Variants in ASB18 observed in about 807,000 individuals in gnomAD.
The protein encoded by ASB18 is ankyrin repeat and SOCS box protein 18.
In ASB18, 33 loss-of-function variants were observed where a neutral mutation model predicts 33.4. That is an observed-to-expected ratio of 0.99 (90% CI 0.75 to 1.32). The LOEUF (loss-of-function observed/expected upper bound fraction) is 1.32, where lower values mean the gene tolerates loss of function less well. Among genes scored for constraint, ASB18 ranks in the 40% most tolerant of loss-of-function variants. The pLI, the probability that ASB18 is intolerant of heterozygous loss-of-function variation, is 0.00. For synonymous variants in ASB18, 295 were observed against 307.6 expected (o/e 0.96, Z 0.43); for missense variants, 694 against 655.5 (o/e 1.06, Z -0.64).
Position 236,225,206 on chromosome 2 carries a change from C to T in ASB18, c.597-10340G>A, listed in dbSNP as rs1039803801. ...ACATGATCATGACTCACTGTAGCCT[C>T]GACTTCCTGGGCTCAAGTGATCCTC... On this transcript the variant is annotated intron_variant, in intron 3 of 5. Coordinates refer to ENST00000409749, the MANE Select transcript of ASB18 (RefSeq NM_212556.4). The surrounding 1 kb of genome is among the most constrained non-coding windows in gnomAD (Gnocchi z 5.1). Among the ~76,000 whole-genome samples, 7 of 152,148 alleles carry T rather than the reference C, an allele frequency of 4.6e-5. No homozygotes were observed. Among genetic ancestry groups the T allele is most frequent in the South Asian group, 2.1e-4 (1 of 4,824 alleles).
rs1344346547 is a variant in ASB18 at position 236,220,170 on chromosome 2, G to C, written c.597-5304C>G. Among the ~76,000 whole-genome samples the C allele has an allele frequency of 6.6e-6, 1 of 152,180 alleles. No individual in the cohort carries two copies. The highest frequency in any genetic ancestry group is 1.5e-5 in the Non-Finnish European group (1 of 68,038). ...ATGTCATTCCAATTCATGTCTATGG[G>C]GTGGGGGGATGTGGGACTTTGGCCA... On this transcript the variant is annotated intron_variant, in intron 3 of 5. Transcript: ENST00000409749. The surrounding 1 kb of genome is among the most constrained non-coding windows in gnomAD (Gnocchi z 5.1).
Position 236,214,461 on chromosome 2 carries a change from G to T in ASB18, c.1002C>A (p.Leu334=). 6.5e-7 allele frequency: 1 copy of T among 1,527,120 alleles called. No homozygotes were observed. The highest frequency in any genetic ancestry group is 1.2e-5 in the South Asian group (1 of 83,930). The allele number at this position is 1,527,120 out of a possible 1,614,324, so 94.6% of individuals were successfully genotyped here. ...CCTGGAGAGCGCAGGATGCGGTCTG[G>T]AGCACGCGGCCCAGCGGCGAGGCCC... ...YGGASPLGRV[L]QTASCALQAS... is the part of the protein sequence containing the mutation. Residue 334 remains leucine (L), a synonymous_variant, in exon 4 of 6, where the codon CTC becomes CTA. Coordinates refer to ENST00000409749, the MANE Select transcript of ASB18 (RefSeq NM_212556.4). The surrounding 1 kb of genome is among the most constrained non-coding windows in gnomAD (Gnocchi z 6.5).
intron 1 of ASB18, among the ~76,000 whole-genome samples, chr2:236,258,341 A>C (rs1313633680): frequency 6.6e-6 from 1 of 152,206 alleles, no homozygotes; most frequent in Non-Finnish European, 1.5e-5. Context: ...AGACCAATCC[A>C]TTTTTGAAAA....
In ASB18 at chr2:236,209,900, TTGCCCAGGACGTC is replaced by T. The variant is rs2060451671; in HGVS notation, c.1101+4449_1101+4461del. 6.6e-6 allele frequency among the ~76,000 whole-genome samples: 1 copy of T among 152,224 alleles called. No individual in the cohort carries two copies. The highest frequency in any genetic ancestry group is 1.5e-5 in the Non-Finnish European group (1 of 68,046). On this transcript the variant is annotated intron_variant, in intron 4 of 5. Transcript: ENST00000409749. The surrounding 1 kb of genome is among the most constrained non-coding windows in gnomAD (Gnocchi z 4.4). ...CCGTGCCTGTCCTGCTCCAGGACAT[TTGCCCAGGACGTC>T]TGTCTAGAATGTTTGTCCCCCGCTT...
rs1390450785 is a variant in ASB18 at position 236,194,393 on chromosome 2, T to C, written c.*479A>G. On this transcript the variant is annotated 3_prime_UTR_variant, in exon 6 of 6. Coordinates refer to ENST00000409749, the MANE Select transcript of ASB18 (RefSeq NM_212556.4). This position sits in a 1 kb window ranked among gnomAD's most constrained non-coding sequence, Gnocchi z 4.5. ...TGTAGCTTGCCTTTATTTCAATCTT[T>C]ACTATTAGAATTGTATTGGTCTTTA... 6.6e-6 allele frequency among the ~76,000 whole-genome samples: 1 copy of C among 152,252 alleles called. No individual in the cohort carries two copies.
rs2106270103 is a variant in ASB18, at chr2:236,217,129, C to T, written c.597-2263G>A. Among the ~76,000 whole-genome samples, 1 of 152,284 alleles carries T rather than the reference C, an allele frequency of 6.6e-6. No individual in the cohort carries two copies. Among genetic ancestry groups the T allele is most frequent in the East Asian group, 1.9e-4 (1 of 5,170 alleles). ...CCCATATTTCAAATATTTGTTGGGCCAGGCGCGGTGGCTCATGCCGGTAAT... is the reference window on the plus strand; with the variant it reads ...CCCATATTTCAAATATTTGTTGGGCTAGGCGCGGTGGCTCATGCCGGTAAT... On this transcript the variant is annotated intron_variant, in intron 3 of 5. Transcript: ENST00000409749. This position sits in a 1 kb window ranked among gnomAD's most constrained non-coding sequence, Gnocchi z 5.2.
intron 1 of ASB18, among the ~76,000 whole-genome samples, chr2:236,246,608 G>A (rs1005898648): frequency 1.3e-5 from 2 of 152,050 alleles, no homozygotes; most frequent in African/African-American, 4.8e-5. Flanking sequence ...AAGGAACTTA[G>A]AGCCTTCGTT....
At chr2:236,202,604 A>G (rs1447807391) in intron 4 of ASB18, among the ~76,000 whole-genome samples, 2 of 151,132 alleles carry the variant, frequency 1.3e-5, no homozygotes, top group African/African-American at 2.4e-5. Flanking sequence ...GTAGATCACG[A>G]GGTCAAGAGA....
chr2:236,195,124 C>T lies in ASB18; in HGVS notation c.1216-67G>A. ...AACCAACATACGTTTTCTTCTTAGC[C>T]AGACCACTGATGGTACAAGCGGGCT... On this transcript the variant is annotated intron_variant, in intron 5 of 5. Coordinates refer to ENST00000409749, the MANE Select transcript of ASB18 (RefSeq NM_212556.4). This position sits in a 1 kb window ranked among gnomAD's most constrained non-coding sequence, Gnocchi z 5.5. 1 of 1,439,996 alleles carries T rather than the reference C, an allele frequency of 6.9e-7. No individual in the cohort carries two copies. The highest frequency in any genetic ancestry group is 9.5e-7 in the Non-Finnish European group (1 of 1,053,522). 89.2% of individuals were successfully genotyped at this position (1,439,996 alleles called of 1,614,324 possible).
rs1269806748 is a variant in ASB18, at chr2:236,206,185, C to T, written c.1101+8177G>A. Among the ~76,000 whole-genome samples, 3 of 136,208 alleles carry T rather than the reference C, an allele frequency of 2.2e-5. No individual in the cohort carries two copies. In the East Asian group the frequency reaches 6.0e-4, roughly 27 times the overall value. The allele number at this position is 136,208 out of a possible 152,430, so 89.4% of individuals were successfully genotyped here. A position where few individuals can be genotyped will look rare whatever the true frequency, so the allele number is the denominator to read the frequency against. On this transcript the variant is annotated intron_variant, in intron 4 of 5. Transcript: ENST00000409749. ...TTACCATCACTTTCTCTTTTAGTTT[C>T]TTGGGTTTTTTTTTTTTTTGCACTT...
rs1222673153 is a variant in ASB18 at position 236,223,220 on chromosome 2, A to G, written c.597-8354T>C. On this transcript the variant is annotated intron_variant, in intron 3 of 5. Coordinates refer to ENST00000409749, the MANE Select transcript of ASB18 (RefSeq NM_212556.4). The surrounding 1 kb of genome is among the most constrained non-coding windows in gnomAD (Gnocchi z 4.6). ...TCTTATAACTTTCACAGTGTCAAGT[A>G]TTTCTTTATAGCAGTGCAAGAATGG... is the stretch of plus-strand genomic sequence containing the variant. Among the ~76,000 whole-genome samples the G allele has an allele frequency of 6.6e-6, 1 of 152,204 alleles. No individual in the cohort carries two copies. Among genetic ancestry groups the G allele is most frequent in the Non-Finnish European group, 1.5e-5 (1 of 68,034 alleles).
At position 236,228,844 on chromosome 2, in the gene ASB18, T is replaced by A. The variant is rs1481996712; in HGVS notation, c.596+8845A>T. Among the ~76,000 whole-genome samples, 1 of 152,232 alleles carries A rather than the reference T, an allele frequency of 6.6e-6. No individual in the cohort carries two copies. Among genetic ancestry groups the A allele is most frequent in the Non-Finnish European group, 1.5e-5 (1 of 68,048 alleles). On this transcript the variant is annotated intron_variant, in intron 3 of 5. Coordinates refer to ENST00000409749, the MANE Select transcript of ASB18 (RefSeq NM_212556.4). This position sits in a 1 kb window ranked among gnomAD's most constrained non-coding sequence, Gnocchi z 5.1. ...AAGGCAAGACCCAAAAGGATCAAAC[T>A]ATTTCCAAGTAACTTTACATTCCAG...
chr2:236,217,757 A>T lies in ASB18; in HGVS notation c.597-2891T>A, dbSNP rs1161395312. ...TTTCTACATCAGCAGTGTCTTGAGA[A>T]GTGGTCTGTCTTGAGTGAAAGATCT... On this transcript the variant is annotated intron_variant, in intron 3 of 5. Transcript: ENST00000409749. The surrounding 1 kb of genome is among the most constrained non-coding windows in gnomAD (Gnocchi z 5.2). 6.6e-6 allele frequency among the ~76,000 whole-genome samples: 1 copy of T among 152,168 alleles called. No individual in the cohort carries two copies. The highest frequency in any genetic ancestry group is 1.5e-5 in the Non-Finnish European group (1 of 68,032).
chr2:236,244,892 A>G lies in ASB18; in HGVS notation c.206-3490T>C, dbSNP rs2060637476. On this transcript the variant is annotated intron_variant, in intron 1 of 5. Transcript: ENST00000409749. The surrounding 1 kb of genome is among the most constrained non-coding windows in gnomAD (Gnocchi z 6.1). ...TGACCCCTGTTACAGGCATGAGTTTATGTGCACAGACTGACCCAAGGCCTG... is the reference window on the plus strand; with the variant it reads ...TGACCCCTGTTACAGGCATGAGTTTGTGTGCACAGACTGACCCAAGGCCTG... 6.6e-6 allele frequency among the ~76,000 whole-genome samples: 1 copy of G among 152,172 alleles called. No homozygotes were observed. Among genetic ancestry groups the G allele is most frequent in the African/African-American group, 2.4e-5 (1 of 41,446 alleles).
In ASB18 at chr2:236,203,230, T is replaced by TC. The variant is rs1169537539; in HGVS notation, c.1102-6846dup. On this transcript the variant is annotated intron_variant, in intron 4 of 5. Coordinates refer to ENST00000409749, the MANE Select transcript of ASB18 (RefSeq NM_212556.4). This position sits in a 1 kb window ranked among gnomAD's most constrained non-coding sequence, Gnocchi z 6.0. ...TAACAACAACAATACAGTGCTGTGG[T>TC]CATATGAGGGGGAGTTCAGGGGAAG... Among the ~76,000 whole-genome samples, 1 of 151,910 alleles carries TC rather than the reference T, an allele frequency of 6.6e-6. No individual in the cohort carries two copies. Among genetic ancestry groups the TC allele is most frequent in the South Asian group, 2.1e-4 (1 of 4,800 alleles).
chr2:236,202,116 A>AT (rs375449425), intron 4 of ASB18, among the ~76,000 whole-genome samples: 1 of 151,760 alleles, frequency 6.6e-6, no homozygotes, highest in Non-Finnish European at 1.5e-5. Flanking sequence ...TGCCTGGCTA[A>AT]TTTTTTTGTA....
intron 3 of ASB18, among the ~76,000 whole-genome samples, chr2:236,233,428 A>C (rs1413969290): frequency 6.6e-6 from 1 of 152,146 alleles, no homozygotes; most frequent in Non-Finnish European, 1.5e-5. Context: ...TGGAGGTTCT[A>C]GCCAGTGCAA....
rs1042454010 is a variant in ASB18, at chr2:236,225,466, G to T, written c.597-10600C>A. Reference sequence around the variant, plus strand: ...ACACCTGGGACAAAAAAGTAAACTTGCATGCTTTTCATTAATAAATTCCGT... The same window carrying T: ...ACACCTGGGACAAAAAAGTAAACTTTCATGCTTTTCATTAATAAATTCCGT... On this transcript the variant is annotated intron_variant, in intron 3 of 5. Transcript: ENST00000409749. This position sits in a 1 kb window ranked among gnomAD's most constrained non-coding sequence, Gnocchi z 5.1. Among the ~76,000 whole-genome samples, 10 of 152,164 alleles carry T rather than the reference G, an allele frequency of 6.6e-5. No homozygotes were observed. Among genetic ancestry groups the T allele is most frequent in the African/African-American group, 2.4e-4 (10 of 41,440 alleles).
In ASB18 at chr2:236,264,352, G is replaced by A. The variant is rs771212696; in HGVS notation, c.-7C>T. ...GGTAATCCGAGTTGGACATTGTTAC[G>A]TCGTTTCTGCAGTGACCAGCCCTTC... is the stretch of plus-strand genomic sequence containing the variant. On this transcript the variant is annotated 5_prime_UTR_variant, in exon 1 of 6. The change creates a new upstream start codon in the 5' untranslated region. Transcript: ENST00000409749. This position sits in a 1 kb window ranked among gnomAD's most constrained non-coding sequence, Gnocchi z 5.1. 19 of 1,613,208 alleles carry A rather than the reference G, an allele frequency of 1.2e-5. No individual in the cohort carries two copies. The highest frequency in any genetic ancestry group is 1.7e-4 in the Middle Eastern group (1 of 6,058).
Sources: allele counts gnomAD v4.1 joint callset (sites outside exome capture counted in the v4.1 genomes callset), GRCh38; gene constraint gnomAD v4.1.1; non-coding constraint Gnocchi (gnomAD v3.1); transcripts MANE v1.5; gene names NCBI Gene and HGNC (gene_info 2026-07-23, HGNC 2026-07-21).